GGT7: variants seen among roughly 807,000 people sequenced by gnomAD.
GGT7 encodes the protein glutathione hydrolase 7.
Under a neutral mutation model 69.2 loss-of-function variants are expected in GGT7, and 30 were observed. The ratio of observed to expected loss-of-function variants is 0.43; its 90% CI spans 0.32 to 0.59. The LOEUF is 0.59. Ranked by LOEUF, GGT7 falls within the 20% of genes least tolerant of loss-of-function variation. GGT7 has a pLI of 0.05. For missense variants in GGT7, 733 were observed against 901.1 expected, an observed-to-expected ratio of 0.81 and a Z score of 2.39; for synonymous variants, 388 against 391.8, an observed-to-expected ratio of 0.99 and a Z score of 0.12.
chr20:34,866,889 A>G (rs1180904767), intron 1 of GGT7, among the ~76,000 whole-genome samples: 1 of 150,330 alleles, frequency 6.7e-6, no homozygotes, highest in Non-Finnish European at 1.5e-5. Context: ...CTGTTTTTAA[A>G]CTTTATTTTC....
In GGT7 at chr20:34,863,088, C is replaced by T; in HGVS notation, c.406-123G>A. On this transcript the variant is annotated intron_variant, in intron 2 of 14. Coordinates refer to ENST00000336431, the MANE Select transcript of GGT7 (RefSeq NM_178026.3). This position sits in a 1 kb window ranked among gnomAD's most constrained non-coding sequence, Gnocchi z 4.4. Reference sequence around the variant, plus strand: ...AAGCCCTGCCCCCTTGTTGCCTTGACTCTGCCCTCATTACCCCAAGTGCCT... The same window carrying T: ...AAGCCCTGCCCCCTTGTTGCCTTGATTCTGCCCTCATTACCCCAAGTGCCT... 3.0e-6 allele frequency: 3 copies of T among 994,278 alleles called. No individual in the cohort carries two copies. Among genetic ancestry groups the T allele is most frequent in the Non-Finnish European group, 4.5e-6 (3 of 670,418 alleles). 61.6% of individuals were successfully genotyped at this position (994,278 alleles called of 1,614,324 possible).
At position 34,851,132 on chromosome 20, in the gene GGT7, A is replaced by G. The variant is rs2079383045; in HGVS notation, c.1725+99T>C. 4.1e-6 allele frequency: 6 copies of G among 1,455,036 alleles called. No individual in the cohort carries two copies. In the African/African-American group the frequency reaches 6.9e-5, roughly 17 times the overall value. The allele number at this position is 1,455,036 out of a possible 1,614,324, so 90.1% of individuals were successfully genotyped here. A position where few individuals can be genotyped will look rare whatever the true frequency, so the allele number is the denominator to read the frequency against. On this transcript the variant is annotated intron_variant, in intron 13 of 14. Transcript: ENST00000336431. Reference sequence around the variant, plus strand: ...AACAGCCTCAGCCCATGTTTGCCGCATGAGGAATGGAAACAAGCCACAGAT... The same window carrying G: ...AACAGCCTCAGCCCATGTTTGCCGCGTGAGGAATGGAAACAAGCCACAGAT...
chr20:34,872,823 C>G lies in GGT7; in HGVS notation c.-8G>C. On this transcript the variant is annotated 5_prime_UTR_variant, in exon 1 of 15. Coordinates refer to ENST00000336431, the MANE Select transcript of GGT7 (RefSeq NM_178026.3). ...CTCGTTCTCCGCCGCCATCCTCGCC[C>G]GCGCCCCCCAGCAGCGCAGCGCCTG... The G allele has an allele frequency of 7.5e-7, 1 of 1,339,154 alleles. No homozygotes were observed. Among genetic ancestry groups the G allele is most frequent in the Non-Finnish European group, 9.6e-7 (1 of 1,038,444 alleles). 83.0% of individuals were successfully genotyped at this position (1,339,154 alleles called of 1,614,324 possible). A position where few individuals can be genotyped will look rare whatever the true frequency, so the allele number is the denominator to read the frequency against.
At chr20:34,870,552 G>A (rs563193464) in intron 1 of GGT7, among the ~76,000 whole-genome samples, 1 of 152,054 alleles carries the variant, frequency 6.6e-6, no homozygotes, top group South Asian at 2.1e-4. Flanking sequence ...GTGCAATGGC[G>A]CGATCTTCGC....
At chr20:34,867,150 C>G (rs2079704853) in intron 1 of GGT7, among the ~76,000 whole-genome samples, 1 of 152,022 alleles carries the variant, frequency 6.6e-6, no homozygotes, top group Non-Finnish European at 1.5e-5. Flanking sequence ...TTCTCAAACT[C>G]CTGAGCTCAA....
At chr20:34,846,836 T>G (rs1394145148) in intron 14 of GGT7, among the ~76,000 whole-genome samples, 1 of 152,212 alleles carries the variant, frequency 6.6e-6, no homozygotes, top group African/African-American at 2.4e-5. Flanking sequence ...CTTGCTTAAC[T>G]GTATTCCAGC....
Position 34,863,428 on chromosome 20 carries a change from G to A in GGT7, c.290C>T (p.Ala97Val), listed in dbSNP as rs769800267. Residue 97 changes from alanine to valine, a missense_variant, in exon 2 of 15, where the codon GCG becomes GTG. Coordinates refer to ENST00000336431, the MANE Select transcript of GGT7 (RefSeq NM_178026.3). The surrounding 1 kb of genome is among the most constrained non-coding windows in gnomAD (Gnocchi z 4.4). ...ATCCTGGCGGCAGGAGCACTCGGCCGCTGCGGCGGAGAACGGGTCTTTGCG... is the reference window on the plus strand; with the variant it reads ...ATCCTGGCGGCAGGAGCACTCGGCCACTGCGGCGGAGAACGGGTCTTTGCG... ...ETRKDPFSAA[A>V]AECSCRQDGL... The A allele has an allele frequency of 1.2e-6, 2 of 1,613,490 alleles. No homozygotes were observed. Among genetic ancestry groups the A allele is most frequent in the East Asian group, 2.2e-5 (1 of 44,868 alleles).
intron 4 of GGT7, among the ~76,000 whole-genome samples, chr20:34,860,751 T>C (rs1405909557): frequency 6.6e-6 from 1 of 151,014 alleles, no homozygotes; most frequent in East Asian, 2.0e-4. Context: ...CCTTGGTGCA[T>C]GCTACTGTGC....
chr20:34,863,518 A>G lies in GGT7; in HGVS notation c.200T>C (p.Leu67Pro), dbSNP rs1222671668. The stretch of plus-strand genomic sequence containing the variant: ...CGACGACGACGATGGCAGCCGCTGC[A>G]GCCGTGCAGACTTCAGGAAGGAGTC... ...DPDSFLKSAR[L>P]QRLPSSSSEM... Residue 67 changes from leucine to proline, a missense_variant, in exon 2 of 15, where the codon CTG becomes CCG. By Grantham distance (98) the Leu-to-Pro change is moderately conservative. Coordinates refer to ENST00000336431, the MANE Select transcript of GGT7 (RefSeq NM_178026.3). This position sits in a 1 kb window ranked among gnomAD's most constrained non-coding sequence, Gnocchi z 4.4. 4 of 1,593,776 alleles carry G rather than the reference A, an allele frequency of 2.5e-6. No individual in the cohort carries two copies. Among genetic ancestry groups the G allele is most frequent in the Non-Finnish European group, 3.4e-6 (4 of 1,170,406 alleles).
At chr20:34,871,737 C>T (rs907253806) in intron 1 of GGT7, among the ~76,000 whole-genome samples, 2 of 152,144 alleles carry the variant, frequency 1.3e-5, no homozygotes, top group South Asian at 2.1e-4. Context: ...TGCGAGGAAG[C>T]GAGAGTGAGG....
At position 34,863,836 on chromosome 20, in the gene GGT7, G is replaced by A. The variant is rs943739345; in HGVS notation, c.170-288C>T. ...CCTGGCACCCAGGGCCCAGGGCTGA[G>A]AACACTTCCTGGGGGGTGGGGTGGG... On this transcript the variant is annotated intron_variant, in intron 1 of 14. Coordinates refer to ENST00000336431, the MANE Select transcript of GGT7 (RefSeq NM_178026.3). The surrounding 1 kb of genome is among the most constrained non-coding windows in gnomAD (Gnocchi z 4.4). 7 of 631,058 alleles carry A rather than the reference G, an allele frequency of 1.1e-5. No homozygotes were observed. Among genetic ancestry groups the A allele is most frequent in the Non-Finnish European group, 2.1e-5 (7 of 332,788 alleles). The allele number at this position is 631,058 out of a possible 1,614,324, so 39.1% of individuals were successfully genotyped here.
At chr20:34,850,270 T>C in intron 13 of GGT7, 1 of 749,290 alleles carries the variant, frequency 1.3e-6, no homozygotes, top group Non-Finnish European at 2.4e-6. Flanking sequence ...GCAAGGAAAA[T>C]GACTTACTCC....
chr20:34,851,257 C>G lies in GGT7; in HGVS notation c.1699G>C (p.Ala567Pro), dbSNP rs2079386256. 11 of 1,613,820 alleles carry G rather than the reference C, an allele frequency of 6.8e-6. No individual in the cohort carries two copies. In the East Asian group the frequency reaches 2.5e-4, roughly 36 times the overall value. Residue 567 changes from alanine to proline, a missense_variant, in exon 13 of 15, where the codon GCG becomes CCG. Ala to Pro is a conservative substitution (Grantham distance 27). Transcript: ENST00000336431. ...TGTGTCAGGCCGCTGAGGCCCCGCG[C>G]AGCTCCATTGGCCCCCAGAGCGAGG... ...TYLALGANGAARGLSGLTQVL... is the reference protein window; with the variant it reads ...TYLALGANGAPRGLSGLTQVL...
At chr20:34,867,170 C>T (rs1799837734) in intron 1 of GGT7, among the ~76,000 whole-genome samples, 1 of 152,138 alleles carries the variant, frequency 6.6e-6, no homozygotes, top group African/African-American at 2.4e-5. Flanking sequence ...AACAATCATC[C>T]CGCCTCAGCC....
Position 34,863,281 on chromosome 20 carries a change from G to C in GGT7, c.405+32C>G. The C allele has an allele frequency of 6.7e-7, 1 of 1,488,074 alleles. No homozygotes were observed. Among genetic ancestry groups the C allele is most frequent in the Non-Finnish European group, 9.3e-7 (1 of 1,075,048 alleles). The allele number at this position is 1,488,074 out of a possible 1,614,324, so 92.2% of individuals were successfully genotyped here. On this transcript the variant is annotated intron_variant, in intron 2 of 14. Coordinates refer to ENST00000336431, the MANE Select transcript of GGT7 (RefSeq NM_178026.3). This position sits in a 1 kb window ranked among gnomAD's most constrained non-coding sequence, Gnocchi z 4.4. Reference sequence around the variant, plus strand: ...ACATTACCCCACTCCCCACTCCCCAGTTTCCTCCCCCTCCCCATTTGTCCC... The same window carrying C: ...ACATTACCCCACTCCCCACTCCCCACTTTCCTCCCCCTCCCCATTTGTCCC...
At chr20:34,848,065 C>T (rs544034936) in intron 14 of GGT7, among the ~76,000 whole-genome samples, 10 of 152,232 alleles carry the variant, frequency 6.6e-5, no homozygotes, top group Admixed American at 1.3e-4. Context: ...TGCACTCCAG[C>T]CTGGGTGACA....
At chr20:34,858,308 G>T (rs1016640617) in intron 7 of GGT7, among the ~76,000 whole-genome samples, 3 of 152,172 alleles carry the variant, frequency 2.0e-5, no homozygotes, top group African/African-American at 7.2e-5. Flanking sequence ...GAGAAAGAGG[G>T]AGAGCAAATC....
At chr20:34,870,480 T>TG (rs2079760736) in intron 1 of GGT7, among the ~76,000 whole-genome samples, 3 of 152,196 alleles carry the variant, frequency 2.0e-5, no homozygotes. Flanking sequence ...TGAGGGTTTT[T>TG]TTTGTTGTTG....
chr20:34,845,841 C>A (rs942900088), intron 14 of GGT7, among the ~76,000 whole-genome samples: 3 of 152,110 alleles, frequency 2.0e-5, no homozygotes, highest in African/African-American at 7.2e-5. Context: ...GGGAGGATCA[C>A]TTGAGCCCAG....
Sources: allele counts gnomAD v4.1 joint callset (sites outside exome capture counted in the v4.1 genomes callset), GRCh38; gene constraint gnomAD v4.1.1; non-coding constraint Gnocchi (gnomAD v3.1); transcripts MANE v1.5; gene names NCBI Gene and HGNC (gene_info 2026-07-23, HGNC 2026-07-21).